JMJD1C: variants seen among roughly 807,000 people sequenced by gnomAD.
The protein encoded by JMJD1C is jumonji domain-containing protein 1C.
A neutral mutation model predicts 245.3 loss-of-function variants in JMJD1C; 31 were observed. That is an observed-to-expected ratio of 0.13 (90% CI 0.09 to 0.17). The LOEUF is 0.17. JMJD1C is among the 10% of genes least tolerant of loss of function. The pLI is 1.00. For synonymous variants in JMJD1C, 1,057 were observed against 1,017.4 expected, an observed-to-expected ratio of 1.04 and a Z score of -0.74; for missense variants, 2,691 against 3,000.2, an observed-to-expected ratio of 0.90 and a Z score of 2.41.
intron 2 of JMJD1C, among the ~76,000 whole-genome samples, chr10:63,355,725 G>T (rs1944780872): frequency 6.6e-6 from 1 of 151,446 alleles, no homozygotes; most frequent in African/African-American, 2.4e-5. Flanking sequence ...ATTCTATGAT[G>T]TTTTCCCTAG....
At chr10:63,490,417 A>ATTTTTT (rs113478578) in intron 1 of JMJD1C, among the ~76,000 whole-genome samples, 1 of 118,526 alleles carries the variant, frequency 8.4e-6, no homozygotes, top group Non-Finnish European at 1.7e-5. Flanking sequence ...TTATTTATTT[A>ATTTTTT]TTTTATTTTT....
chr10:63,174,808 TG>T (rs2132787821), intron 24 of JMJD1C, among the ~76,000 whole-genome samples: 1 of 151,404 alleles, frequency 6.6e-6, no homozygotes, highest in African/African-American at 2.4e-5. Flanking sequence ...AGCTCTAGCC[TG>T]GGCAACAAGA....
Position 63,207,039 on chromosome 10 carries a change from G to C in JMJD1C, c.4630C>G (p.Pro1544Ala), listed in dbSNP as rs376576947. 1 of 1,614,144 alleles carries C rather than the reference G, an allele frequency of 6.2e-7. No homozygotes were observed. Among genetic ancestry groups the C allele is most frequent in the Non-Finnish European group, 8.5e-7 (1 of 1,180,024 alleles). The change falls in exon 10 of 26, where the codon CCA becomes GCA. Residue 1544 changes from proline (P) to alanine (A), a missense_variant. By Grantham distance (27) the Pro-to-Ala change is conservative. This residue lies in a region of JMJD1C where 1,562 missense variants were observed against 1,490.7 expected (regional missense o/e 1.05). Transcript: ENST00000399262. ...GNGQASQTSQ[P>A]NYHTKLKKAW... is the part of the protein sequence containing the mutation. ...TTTTTCAGTTTAGTATGGTAGTTTGGTTGACTTGTCTGGGAAGCTTGCCCA... is the reference window on the plus strand; with the variant it reads ...TTTTTCAGTTTAGTATGGTAGTTTGCTTGACTTGTCTGGGAAGCTTGCCCA...
At chr10:63,314,495 G>A (rs984305064) in intron 2 of JMJD1C, among the ~76,000 whole-genome samples, 6 of 152,184 alleles carry the variant, frequency 3.9e-5, no homozygotes, top group Non-Finnish European at 8.8e-5. Context: ...GGGAAGTCGA[G>A]GCTACAGCAA....
chr10:63,373,226 CTGAT>C (rs1389825582), intron 2 of JMJD1C, among the ~76,000 whole-genome samples: 2 of 152,174 alleles, frequency 1.3e-5, no homozygotes, highest in African/African-American at 4.8e-5. Flanking sequence ...AAGTGGTACT[CTGAT>C]TGTACAGGAC....
At chr10:63,390,211 C>T (rs1452112198) in intron 1 of JMJD1C, among the ~76,000 whole-genome samples, 1 of 152,010 alleles carries the variant, frequency 6.6e-6, no homozygotes, top group African/African-American at 2.4e-5. Context: ...ACAACTGATA[C>T]CACAGAAATA....
chr10:63,478,035 T>C (rs1417385889), intron 1 of JMJD1C, among the ~76,000 whole-genome samples: 1 of 152,054 alleles, frequency 6.6e-6, no homozygotes, highest in Admixed American at 6.5e-5. Context: ...AGATACCAAG[T>C]GTAAAGGAAG....
At chr10:63,230,935 T>C (rs1849902478) in intron 3 of JMJD1C, among the ~76,000 whole-genome samples, 1 of 152,196 alleles carries the variant, frequency 6.6e-6, no homozygotes, top group South Asian at 2.1e-4. Flanking sequence ...TATTGTCAAT[T>C]TTGGTGATGT....
chr10:63,448,318 A>G (rs752881925), intron 1 of JMJD1C, among the ~76,000 whole-genome samples: 1 of 151,902 alleles, frequency 6.6e-6, no homozygotes, highest in Admixed American at 6.6e-5. Context: ...CACCATGCCC[A>G]GCTCATTTTT....
At chr10:63,375,338 T>A (rs1946647673) in intron 2 of JMJD1C, among the ~76,000 whole-genome samples, 5 of 151,722 alleles carry the variant, frequency 3.3e-5, no homozygotes. Flanking sequence ...AGGCTCACGC[T>A]GACTAGTTTC....
chr10:63,227,678 T>C (rs562613015), intron 3 of JMJD1C, among the ~76,000 whole-genome samples: 10 of 152,198 alleles, frequency 6.6e-5, no homozygotes, highest in Non-Finnish European at 4.4e-5. Flanking sequence ...TTCCATGACA[T>C]AAATTTCTCC....
At position 63,503,943 on chromosome 10, in the gene JMJD1C, T is replaced by A. The variant is rs568820872; in HGVS notation, n.113+17795A>T. Among the ~76,000 whole-genome samples, 78 of 152,296 alleles carry A rather than the reference T, an allele frequency of 5.1e-4. 1 individual carries two copies. The highest frequency in any genetic ancestry group is 6.8e-3 in the Middle Eastern group (2 of 294). ...GTATCTCCAACCACCAGGGTCCACA[T>A]GCTTGTGTTTCATGGGCAGTTTTCC... On this transcript the variant is annotated intron_variant and non_coding_transcript_variant, in intron 1 of 3. Transcript: ENST00000633035.
chr10:63,194,537 A>T (rs373347885), intron 13 of JMJD1C, 162 bp from the exon 14 acceptor site: 13 of 510,740 alleles, frequency 2.5e-5, no homozygotes, highest in African/African-American at 2.1e-4. Flanking sequence ...TGTCAATGAT[A>T]TGCTTTAGAT....
chr10:63,246,816 A>G (rs1190054487), intron 3 of JMJD1C, among the ~76,000 whole-genome samples: 4 of 152,148 alleles, frequency 2.6e-5, no homozygotes, highest in Non-Finnish European at 5.9e-5. Flanking sequence ...ACACAAATAC[A>G]TGGAAATTAA....
In JMJD1C at chr10:63,200,526, T is replaced by C; in HGVS notation, c.5226A>G (p.Gly1742=). The change falls in exon 11 of 26, where the codon GGA becomes GGG. Residue 1742 remains glycine, a synonymous_variant. Coordinates refer to ENST00000399262, the MANE Select transcript of JMJD1C (RefSeq NM_032776.3). ...RECRLIRSKK[G]EEPAHSPVFC... ...ATACTGGTGAGTGAGCTGGTTCTTCTCCTTTTTTACTGCGAATAAGTCTAC... is the reference window on the plus strand; with the variant it reads ...ATACTGGTGAGTGAGCTGGTTCTTCCCCTTTTTTACTGCGAATAAGTCTAC... The C allele has an allele frequency of 1.9e-6, 3 of 1,614,020 alleles. No homozygotes were observed. The highest frequency in any genetic ancestry group is 2.5e-6 in the Non-Finnish European group (3 of 1,179,946).
intron 1 of JMJD1C, among the ~76,000 whole-genome samples, chr10:63,496,953 G>A (rs561508363): frequency 2.0e-5 from 3 of 152,116 alleles, no homozygotes; most frequent in African/African-American, 7.2e-5. Context: ...TGAAAAGAGA[G>A]GTAAGACAGA....
At chr10:63,469,240 CTT>C (rs1953413761), upstream of JMJD1C, among the ~76,000 whole-genome samples, 1 of 152,150 alleles carries the variant, frequency 6.6e-6, no homozygotes, top group Non-Finnish European at 1.5e-5. Flanking sequence ...TTTAACACAT[CTT>C]TTTAGCCACC....
chr10:63,369,539 C>T (rs923772599), intron 2 of JMJD1C, among the ~76,000 whole-genome samples: 1 of 152,084 alleles, frequency 6.6e-6, no homozygotes, highest in South Asian at 2.1e-4. Flanking sequence ...TAAATTAGTA[C>T]AAGAAAATGA....
At chr10:63,469,560 G>A (rs143588264), upstream of JMJD1C, among the ~76,000 whole-genome samples, 9 of 152,298 alleles carry the variant, frequency 5.9e-5, no homozygotes, top group East Asian at 1.3e-3. Context: ...GTCACATCCT[G>A]CAAGGTTCTG....
Sources: gnomAD v4.1 joint callset for allele counts (sites outside exome capture counted in the v4.1 genomes callset) on GRCh38, gnomAD v4.1.1 for gene constraint, gnomAD v4.1.1 regional missense constraint, MANE v1.5 for transcripts, NCBI Gene and HGNC (gene_info 2026-07-23, HGNC 2026-07-21) for gene names.